The following ULK4 variants were observed in gnomAD, a reference collection of about 807,000 sequenced individuals.
The protein encoded by ULK4 is unc-51 like kinase 4, also known as inactive serine/threonine-protein kinase ULK4.
Under a neutral mutation model 160.6 loss-of-function variants are expected in ULK4, and 133 were observed. The observed-to-expected ratio is 0.83, with a 90% confidence interval of 0.72 to 0.96. The LOEUF is 0.96. ULK4 is among the 40% of genes least tolerant of loss of function. ULK4 has a pLI of 0.00. For synonymous variants in ULK4, 534 were observed against 539.8 expected (o/e 0.99, Z 0.15); for missense variants, 1,580 against 1,499.5 (o/e 1.05, Z -0.89).
chr3:41,454,849 C>T (rs1474336816), intron 34 of ULK4, among the ~76,000 whole-genome samples: 8 of 151,592 alleles, frequency 5.3e-5, no homozygotes, highest in South Asian at 2.1e-4. Context: ...AACACCACCA[C>T]GCCTGGCTAA....
intron 35 of ULK4, among the ~76,000 whole-genome samples, chr3:41,332,924 G>A (rs1179082338): frequency 6.6e-6 from 1 of 152,156 alleles, no homozygotes; most frequent in Non-Finnish European, 1.5e-5. Context: ...ATCTGTTTCT[G>A]CGTTTAACCA....
At chr3:41,306,929 A>G (rs2125716481) in intron 35 of ULK4, among the ~76,000 whole-genome samples, 1 of 151,474 alleles carries the variant, frequency 6.6e-6, no homozygotes, top group East Asian at 1.9e-4. Context: ...GTGCTTTGTT[A>G]AACAGATGCT....
chr3:41,949,675 T>A (rs1388952643), intron 2 of ULK4, among the ~76,000 whole-genome samples: 2 of 145,022 alleles, frequency 1.4e-5, no homozygotes, highest in African/African-American at 4.9e-5. Flanking sequence ...TCAAGTGATC[T>A]GCCCCCTCCT....
chr3:41,419,305 A>T (rs1321596790), intron 34 of ULK4, among the ~76,000 whole-genome samples: 1 of 152,120 alleles, frequency 6.6e-6, no homozygotes, highest in Admixed American at 6.5e-5. Context: ...AGGAGAGGCT[A>T]GAAAACGAGG....
chr3:41,275,690 T>C (rs1204128797), intron 35 of ULK4, among the ~76,000 whole-genome samples: 1 of 152,264 alleles, frequency 6.6e-6, no homozygotes. Flanking sequence ...CAAGTTGGCA[T>C]ATCCATCAGA....
chr3:41,323,605 C>T (rs1415501346), intron 35 of ULK4, among the ~76,000 whole-genome samples: 2 of 152,162 alleles, frequency 1.3e-5, no homozygotes, highest in Admixed American at 6.5e-5. Flanking sequence ...AAATTCTTTA[C>T]CAGCTGGCCA....
intron 31 of ULK4, among the ~76,000 whole-genome samples, chr3:41,586,630 T>C (rs182037829): frequency 1.2e-4 from 19 of 152,276 alleles, no homozygotes; most frequent in African/African-American, 2.2e-4. Flanking sequence ...ATTGTTAAAA[T>C]GGTAAATTTA....
At chr3:41,738,091 T>C (rs1296092899) in intron 22 of ULK4, among the ~76,000 whole-genome samples, 2 of 151,878 alleles carry the variant, frequency 1.3e-5, no homozygotes, top group East Asian at 1.9e-4. Context: ...GGTGATAATA[T>C]CTATCATTCC....
At chr3:41,425,112 G>A (rs183615441) in intron 34 of ULK4, among the ~76,000 whole-genome samples, 154 of 152,124 alleles carry the variant, frequency 1.0e-3, no homozygotes, top group Non-Finnish European at 1.7e-3. Context: ...ATGAACAGAC[G>A]GAGCTGAAAA....
intron 21 of ULK4, among the ~76,000 whole-genome samples, chr3:41,783,128 T>C (rs941409430): frequency 1.3e-5 from 2 of 152,186 alleles, no homozygotes; most frequent in African/African-American, 4.8e-5. Context: ...AGTACGAATT[T>C]GAAAGGATAT....
intron 35 of ULK4, among the ~76,000 whole-genome samples, chr3:41,340,817 C>A (rs1350397376): frequency 1.3e-5 from 2 of 152,150 alleles, no homozygotes; most frequent in African/African-American, 4.8e-5. Flanking sequence ...TAATGGTAAC[C>A]ACTCTCAGTG....
chr3:41,585,317 A>G (rs1206674893), intron 31 of ULK4, among the ~76,000 whole-genome samples: 1 of 152,190 alleles, frequency 6.6e-6, no homozygotes, highest in African/African-American at 2.4e-5. Flanking sequence ...TGGCATAAAC[A>G]CAGACATATA....
intron 35 of ULK4, among the ~76,000 whole-genome samples, chr3:41,260,605 C>T (rs1454450785): frequency 3.3e-5 from 5 of 152,198 alleles, no homozygotes; most frequent in African/African-American, 9.7e-5. Flanking sequence ...TGAAAGAGAT[C>T]TAGAGGTGTC....
intron 34 of ULK4, among the ~76,000 whole-genome samples, chr3:41,449,767 A>G (rs2083384770): frequency 1.3e-5 from 2 of 151,824 alleles, no homozygotes; most frequent in African/African-American, 4.8e-5. Context: ...ATTGTGTTTT[A>G]TTTTTAATTT....
At chr3:41,388,350 T>C (rs2081872625) in intron 35 of ULK4, among the ~76,000 whole-genome samples, 1 of 151,968 alleles carries the variant, frequency 6.6e-6, no homozygotes, top group Non-Finnish European at 1.5e-5. Flanking sequence ...TGGTAGTTTC[T>C]TTTGCTGTGC....
chr3:41,340,292 A>G (rs2080655028), intron 35 of ULK4, among the ~76,000 whole-genome samples: 1 of 152,262 alleles, frequency 6.6e-6, no homozygotes, highest in African/African-American at 2.4e-5. Context: ...GTTAGAAGGT[A>G]ACAAGTACAA....
At chr3:41,344,752 CA>C (rs59466358) in intron 35 of ULK4, among the ~76,000 whole-genome samples, 18,279 of 62,778 alleles carry the variant, frequency 0.29, 702 homozygotes, top group Middle Eastern at 0.36. Context: ...GACTCTGTCT[CA>C]AAAAAAAAAA....
intron 35 of ULK4, among the ~76,000 whole-genome samples, chr3:41,372,188 T>C (rs1428672927): frequency 6.6e-6 from 1 of 152,044 alleles, no homozygotes; most frequent in South Asian, 2.1e-4. Context: ...CTGAAAGCGA[T>C]GGAAAGAATG....
chr3:41,764,021 T>C (rs1001914181), intron 21 of ULK4, among the ~76,000 whole-genome samples: 4 of 152,340 alleles, frequency 2.6e-5, no homozygotes, highest in Non-Finnish European at 5.9e-5. Flanking sequence ...ATAATACATT[T>C]CTTATTCTAA....
Sources: allele counts gnomAD v4.1 joint callset (sites outside exome capture counted in the v4.1 genomes callset), GRCh38; gene constraint gnomAD v4.1.1; transcripts MANE v1.5; gene names NCBI Gene and HGNC (gene_info 2026-07-23, HGNC 2026-07-21).